HIVEP1: variants seen among roughly 807,000 people sequenced by gnomAD.
The protein encoded by HIVEP1 is zinc finger protein 40.
Under a neutral mutation model 180.0 loss-of-function variants are expected in HIVEP1, and 36 were observed. The ratio of observed to expected loss-of-function variants is 0.20; its 90% confidence interval spans 0.15 to 0.26. The LOEUF (loss-of-function observed/expected upper bound fraction) is 0.26. HIVEP1 is among the 10% of genes least tolerant of loss of function. HIVEP1 has a pLI of 1.00. For synonymous variants in HIVEP1, 1,239 were observed against 1,239.0 expected (o/e 1.00, Z 0.00); for missense variants, 3,143 against 3,268.7 (o/e 0.96, Z 0.94).
intron 1 of HIVEP1, 111 bp downstream of exon 1, chr6:12,012,677 CGTGTGT>C (rs138462020): frequency 0.014 from 1,983 of 142,896 alleles, 25 homozygotes; most frequent in Non-Finnish European, 0.02. Context: ...TGCGGGCGCG[CGTGTGT>C]GTGTGTGTGT....
At chr6:12,135,578 G>A (rs1202571019) in intron 6 of HIVEP1, among the ~76,000 whole-genome samples, 1 of 152,172 alleles carries the variant, frequency 6.6e-6, no homozygotes, top group Non-Finnish European at 1.5e-5. Context: ...TCAAAGTAGA[G>A]GAGGCAGATT....
At chr6:12,204,242 A>G in the HIVEP1 span, among the ~76,000 whole-genome samples, 1 of 152,146 alleles carries the variant, frequency 6.6e-6, no homozygotes, top group Non-Finnish European at 1.5e-5. Context: ...ACTGTCTATC[A>G]TAGGACACTT....
In HIVEP1 at chr6:12,088,145, G is replaced by A. The variant is rs537992593; in HGVS notation, c.41-1039G>A. Reference sequence around the variant, plus strand: ...AGAGTTTGAAGGGCCCATGGTGTGCGGTGTCTGCCTTTTATTTATTTGGAG... The same window carrying A: ...AGAGTTTGAAGGGCCCATGGTGTGCAGTGTCTGCCTTTTATTTATTTGGAG... On this transcript the variant is annotated intron_variant, in intron 2 of 8. Coordinates refer to ENST00000379388, the MANE Select transcript of HIVEP1 (RefSeq NM_002114.4). Among the ~76,000 whole-genome samples the A allele has an allele frequency of 1.3e-3, 202 of 152,180 alleles. 1 individual carries two copies. The highest frequency in any genetic ancestry group is 7.9e-3 in the South Asian group (38 of 4,820).
chr6:12,141,996 A>AT (rs1331939305), intron 7 of HIVEP1, among the ~76,000 whole-genome samples: 1 of 152,172 alleles, frequency 6.6e-6, no homozygotes, highest in African/African-American at 2.4e-5. Context: ...GTTAACAAGG[A>AT]TATCTAGGAC....
At chr6:12,035,740 C>T (rs1445140059) in intron 2 of HIVEP1, among the ~76,000 whole-genome samples, 1 of 152,080 alleles carries the variant, frequency 6.6e-6, no homozygotes. Context: ...CACAAATCAA[C>T]ATACATTTTC....
At chr6:12,095,146 C>T (rs1022231329) in intron 3 of HIVEP1, among the ~76,000 whole-genome samples, 1 of 151,852 alleles carries the variant, frequency 6.6e-6, no homozygotes, top group African/African-American at 2.4e-5. Context: ...TGCCTCTCCT[C>T]GCTTTCTTGA....
chr6:12,103,288 C>G (rs1376463311), intron 3 of HIVEP1, among the ~76,000 whole-genome samples: 1 of 152,028 alleles, frequency 6.6e-6, no homozygotes, highest in Non-Finnish European at 1.5e-5. Context: ...CATGCATTAT[C>G]TCAAATAATT....
intron 2 of HIVEP1, among the ~76,000 whole-genome samples, chr6:12,072,094 T>TC (rs1044094226): frequency 2.0e-5 from 3 of 152,020 alleles, no homozygotes; most frequent in African/African-American, 7.2e-5. Context: ...TCTTTTTTTT[T>TC]TTTTATTAAA....
chr6:12,121,258 A>G lies in HIVEP1; in HGVS notation c.1463A>G (p.Asp488Gly). The change falls in exon 4 of 9, where the codon GAC becomes GGC. Residue 488 changes from aspartate (D) to glycine (G), a missense_variant. This residue lies in a region of HIVEP1 where 365 missense variants were observed against 344.4 expected (regional missense o/e 1.06). Coordinates refer to ENST00000379388, the MANE Select transcript of HIVEP1 (RefSeq NM_002114.4). This position sits in a 1 kb window ranked among gnomAD's most constrained non-coding sequence, Gnocchi z 5.3. ...CCCAAAGCACTTAGTATTCATTCAG[A>G]CGTAGAAGACAGTGGGGAGAGCGAG... ...ESPKALSIHS[D>G]VEDSGESEEE... The G allele has an allele frequency of 6.2e-7, 1 of 1,614,152 alleles. No individual in the cohort carries two copies. Among genetic ancestry groups the G allele is most frequent in the Non-Finnish European group, 8.5e-7 (1 of 1,180,026 alleles).
chr6:12,106,579 G>A (rs1774446466), intron 3 of HIVEP1, among the ~76,000 whole-genome samples: 1 of 152,066 alleles, frequency 6.6e-6, no homozygotes. Flanking sequence ...GTGTGTTTCT[G>A]TACTGAACTC....
intron 2 of HIVEP1, among the ~76,000 whole-genome samples, chr6:12,047,460 G>A (rs190844935): frequency 1.0e-3 from 156 of 152,368 alleles, no homozygotes; most frequent in African/African-American, 3.7e-3. Context: ...GGAGGAAGCT[G>A]ATTTGCCTGC....
At chr6:12,018,502 C>T (rs1045761192) in intron 2 of HIVEP1, among the ~76,000 whole-genome samples, 4 of 152,102 alleles carry the variant, frequency 2.6e-5, no homozygotes, top group African/African-American at 9.7e-5. Flanking sequence ...ACACAGGTCT[C>T]GAAAGAAGAA....
chr6:12,121,089 C>T lies in HIVEP1; in HGVS notation c.1294C>T (p.Arg432Ter). The T allele has an allele frequency of 1.2e-6, 2 of 1,614,106 alleles. No individual in the cohort carries two copies. Among genetic ancestry groups the T allele is most frequent in the Non-Finnish European group, 1.7e-6 (2 of 1,179,964 alleles). Residue 432 changes from arginine to a stop codon, truncating the protein, a stop_gained, in exon 4 of 9, where the codon CGA becomes TGA. Transcript: ENST00000379388. LOFTEE classifies it high-confidence loss of function. The surrounding 1 kb of genome is among the most constrained non-coding windows in gnomAD (Gnocchi z 5.3). Reference sequence around the variant, plus strand: ...GCATATCCGCTCCCACACTGGAGAGCGACCCTATCCCTGTGTGACTTGTGG... The same window carrying T: ...GCATATCCGCTCCCACACTGGAGAGTGACCCTATCCCTGTGTGACTTGTGG... ...LKHIRSHTGE[R>*]PYPCVTCGFS...
chr6:12,164,654 C>T lies in HIVEP1; in HGVS notation c.*193C>T. On this transcript the variant is annotated 3_prime_UTR_variant, in exon 9 of 9. Coordinates refer to ENST00000379388, the MANE Select transcript of HIVEP1 (RefSeq NM_002114.4). ...TGTACATGTTGTATAGACAATTGTG[C>T]CTTTTAGGAGCTTTATGTTTAGAAA... The T allele has an allele frequency of 1.9e-6, 1 of 514,982 alleles. No homozygotes were observed. Among genetic ancestry groups the T allele is most frequent in the Non-Finnish European group, 3.4e-6 (1 of 295,160 alleles). 31.9% of individuals were successfully genotyped at this position (514,982 alleles called of 1,614,324 possible).
chr6:12,015,722 T>A (rs374316844), intron 2 of HIVEP1, 54 bp downstream of exon 2: 50 of 1,518,842 alleles, frequency 3.3e-5, no homozygotes, highest in Non-Finnish European at 3.8e-5. Flanking sequence ...TTTAACAAAG[T>A]ATCTCTTTGG....
At chr6:12,062,936 C>T (rs1414855625) in intron 2 of HIVEP1, among the ~76,000 whole-genome samples, 3 of 152,186 alleles carry the variant, frequency 2.0e-5, no homozygotes, top group Non-Finnish European at 2.9e-5. Flanking sequence ...ACCGAAGTTA[C>T]GCCTCTTCAT....
intron 2 of HIVEP1, among the ~76,000 whole-genome samples, chr6:12,059,290 G>A (rs1294935489): frequency 3.3e-5 from 5 of 152,034 alleles, no homozygotes; most frequent in African/African-American, 9.7e-5. Flanking sequence ...CACCTGCCTC[G>A]GCCTCCCAAA....
chr6:12,097,574 C>T (rs181088048), intron 3 of HIVEP1, among the ~76,000 whole-genome samples: 4 of 152,146 alleles, frequency 2.6e-5, no homozygotes, highest in South Asian at 4.1e-4. Context: ...TCACATCTTA[C>T]GAAGTATTCT....
chr6:12,161,792 G>T lies in HIVEP1; in HGVS notation c.6841G>T (p.Ala2281Ser). 1 of 1,614,204 alleles carries T rather than the reference G, an allele frequency of 6.2e-7. No homozygotes were observed. The highest frequency in any genetic ancestry group is 8.5e-7 in the Non-Finnish European group (1 of 1,180,026). Reference protein sequence around the residue: ...TLSPGKARQRAARDENDTIPS... With the variant: ...TLSPGKARQRSARDENDTIPS... ...CTCTCCGGGGAAGGCCAGGCAGCGT[G>T]CTGCGAGAGATGAAAACGACACAAT... Residue 2281 changes from alanine to serine, a missense_variant, in exon 8 of 9, where the codon GCT becomes TCT. By Grantham distance (99) the Ala-to-Ser change is moderately conservative (BLOSUM62 1). Coordinates refer to ENST00000379388, the MANE Select transcript of HIVEP1 (RefSeq NM_002114.4).
Sources: gnomAD v4.1 joint callset for allele counts (sites outside exome capture counted in the v4.1 genomes callset) on GRCh38, gnomAD v4.1.1 for gene constraint, gnomAD v4.1.1 regional missense constraint, Gnocchi (gnomAD v3.1) non-coding constraint, MANE v1.5 for transcripts, NCBI Gene and HGNC (gene_info 2026-07-23, HGNC 2026-07-21) for gene names.